The following LANCL2 variants were observed in gnomAD, a reference collection of about 807,000 sequenced individuals.
LANCL2 encodes the protein LanC like glutathione S-transferase 2, also known as lanC-like protein 2.
Under a neutral mutation model 56.9 loss-of-function variants are expected in LANCL2, and 33 were observed. That is an observed-to-expected ratio of 0.58 (90% CI 0.44 to 0.78). LANCL2 has a LOEUF of 0.78. Ranked by LOEUF, LANCL2 falls within the 30% of genes least tolerant of loss-of-function variation. The pLI is 0.00. For missense variants in LANCL2, 562 were observed against 580.2 expected (o/e 0.97, Z 0.32); for synonymous variants, 233 against 228.2 (o/e 1.02, Z -0.19).
intron 2 of LANCL2, among the ~76,000 whole-genome samples, chr7:55,398,108 A>G (rs1235849093): frequency 6.6e-6 from 1 of 152,212 alleles, no homozygotes; most frequent in African/African-American, 2.4e-5. Context: ...ATGAATGAAA[A>G]TTAACTGAGG....
intron 1 of LANCL2, among the ~76,000 whole-genome samples, chr7:55,386,393 C>T (rs1024853648): frequency 6.6e-6 from 1 of 152,244 alleles, no homozygotes; most frequent in Non-Finnish European, 1.5e-5. Context: ...ATTCTTCTCT[C>T]ATGGCTTCAG....
intron 2 of LANCL2, among the ~76,000 whole-genome samples, chr7:55,395,278 C>A (rs1583751521): frequency 6.6e-6 from 1 of 150,396 alleles, no homozygotes; most frequent in Non-Finnish European, 1.5e-5. Flanking sequence ...AAAAACGCAC[C>A]AGGAAAATGT....
In LANCL2 at chr7:55,431,452, C is replaced by A. The variant is rs78231031; in HGVS notation, c.*132C>A. On this transcript the variant is annotated 3_prime_UTR_variant, in exon 9 of 9. Transcript: ENST00000254770. ...TCACAGGCCCCTCTGGTTAGACTAG[C>A]ATGAGTGACCGAAGCCATCCATCAA... 12,358 of 583,328 alleles carry A rather than the reference C, an allele frequency of 0.021. 182 individuals carry two copies. The highest frequency in any genetic ancestry group is 0.049 in the Middle Eastern group (106 of 2,176). The allele number at this position is 583,328 out of a possible 1,614,324, so 36.1% of individuals were successfully genotyped here. A position where few individuals can be genotyped will look rare whatever the true frequency, so the allele number is the denominator to read the frequency against.
At chr7:55,394,448 T>C (rs1790226274) in intron 2 of LANCL2, among the ~76,000 whole-genome samples, 1 of 152,150 alleles carries the variant, frequency 6.6e-6, no homozygotes, top group African/African-American at 2.4e-5. Context: ...TAGTGCCAAC[T>C]ACTCAGGAGG....
chr7:55,417,618 C>T (rs971687068), intron 6 of LANCL2, among the ~76,000 whole-genome samples: 6 of 152,116 alleles, frequency 3.9e-5, no homozygotes, highest in African/African-American at 1.4e-4. Context: ...AAAATGGAGC[C>T]TATTGGAGTT....
intron 6 of LANCL2, among the ~76,000 whole-genome samples, chr7:55,418,154 A>T (rs56322498): frequency 2.4e-4 from 36 of 149,742 alleles, no homozygotes; most frequent in Non-Finnish European, 4.0e-4. Flanking sequence ...TTTTCCAATT[A>T]TGTATTGCCA....
intron 2 of LANCL2, 104 bp from the exon 3 acceptor site, chr7:55,398,317 CAT>C: frequency 2.5e-6 from 2 of 812,406 alleles, no homozygotes; most frequent in South Asian, 1.6e-5. Context: ...CGTTTGGAAA[CAT>C]AGATTTATGT....
intron 1 of LANCL2, among the ~76,000 whole-genome samples, chr7:55,389,022 C>G (rs916785656): frequency 2.0e-5 from 3 of 152,222 alleles, no homozygotes; most frequent in African/African-American, 7.2e-5. Context: ...CCTGCCTGTG[C>G]TTCTTGTTTG....
At chr7:55,397,460 CAAAAAAAA>C (rs35547837) in intron 2 of LANCL2, among the ~76,000 whole-genome samples, 6 of 90,356 alleles carry the variant, frequency 6.6e-5, no homozygotes, top group Admixed American at 1.2e-4. Context: ...GACTCTGTCT[CAAAAAAAA>C]AAAAAAAAAA....
intron 1 of LANCL2, among the ~76,000 whole-genome samples, chr7:55,387,255 G>T (rs1483513849): frequency 1.3e-5 from 2 of 152,194 alleles, no homozygotes; most frequent in Non-Finnish European, 2.9e-5. Flanking sequence ...AGACGTTTTT[G>T]ATTACATTGA....
At chr7:55,367,658 G>C (rs113432002) in intron 1 of LANCL2, among the ~76,000 whole-genome samples, 7 of 152,212 alleles carry the variant, frequency 4.6e-5, no homozygotes, top group African/African-American at 1.7e-4. Context: ...CTCGGAGGTC[G>C]AGGTTGCAGT....
chr7:55,388,281 C>T (rs1790147719), intron 1 of LANCL2, among the ~76,000 whole-genome samples: 1 of 152,192 alleles, frequency 6.6e-6, no homozygotes, highest in Non-Finnish European at 1.5e-5. Flanking sequence ...CACTGTGGCT[C>T]ACATCTGTAA....
At chr7:55,374,494 G>T (rs1211831199) in intron 1 of LANCL2, among the ~76,000 whole-genome samples, 1 of 152,178 alleles carries the variant, frequency 6.6e-6, no homozygotes, top group African/African-American at 2.4e-5. Context: ...ACTAGTGAAG[G>T]TAGATGTTTT....
At chr7:55,399,876 C>A in intron 3 of LANCL2, 81 bp from the exon 4 acceptor site, 180 of 1,066,026 alleles carry the variant, frequency 1.7e-4, no homozygotes, top group Middle Eastern at 3.2e-4. Flanking sequence ...ATAGGTAATT[C>A]CTAAAGCAAC....
intron 7 of LANCL2, among the ~76,000 whole-genome samples, chr7:55,426,016 C>T (rs1301290761): frequency 6.6e-6 from 1 of 152,208 alleles, no homozygotes; most frequent in East Asian, 1.9e-4. Flanking sequence ...GAGTGTGTCA[C>T]TCTTGTTTCC....
intron 4 of LANCL2, among the ~76,000 whole-genome samples, chr7:55,400,321 A>T (rs186543288): frequency 1.3e-5 from 2 of 152,334 alleles, no homozygotes; most frequent in Admixed American, 1.3e-4. Flanking sequence ...TTTTTACTGG[A>T]GCTAAACAGC....
intron 1 of LANCL2, among the ~76,000 whole-genome samples, chr7:55,380,981 C>T (rs190601748): frequency 1.3e-5 from 2 of 151,438 alleles, no homozygotes; most frequent in African/African-American, 4.8e-5. Flanking sequence ...AAGCGATTCT[C>T]CTGCCTCAGC....
chr7:55,376,873 A>G (rs949710226), intron 1 of LANCL2, among the ~76,000 whole-genome samples: 7 of 152,226 alleles, frequency 4.6e-5, no homozygotes, highest in African/African-American at 1.7e-4. Flanking sequence ...TTGTTTTTCA[A>G]AAGAATAACT....
At chr7:55,402,158 G>A (rs548343807) in intron 5 of LANCL2, among the ~76,000 whole-genome samples, 1,485 of 150,204 alleles carry the variant, frequency 9.9e-3, no homozygotes, top group African/African-American at 0.033. Context: ...GGGGCGGCTG[G>A]CCGGGCAGAG....
Sources: allele counts gnomAD v4.1 joint callset (sites outside exome capture counted in the v4.1 genomes callset), GRCh38; gene constraint gnomAD v4.1.1; transcripts MANE v1.5; gene names NCBI Gene and HGNC (gene_info 2026-07-23, HGNC 2026-07-21).